The following PER3 variants were observed in gnomAD, a reference collection of about 807,000 sequenced individuals.
PER3 encodes the protein period circadian regulator 3, also known as period circadian protein homolog 3.
PER3 carries 107 observed loss-of-function variants against 127.2 expected under a neutral mutation model. The observed-to-expected ratio is 0.84, with a 90% CI of 0.72 to 0.99. PER3 has a LOEUF of 0.99. Among genes scored for constraint, PER3 ranks in the 50% least tolerant of loss-of-function variants. PER3 has a pLI of 0.00. For missense variants in PER3, 1,560 were observed against 1,525.8 expected, an observed-to-expected ratio of 1.02 and a Z score of -0.37; for synonymous variants, 618 against 585.8, an observed-to-expected ratio of 1.05 and a Z score of -0.79.
chr1:7,842,891 C>A lies in PER3; in HGVS notation c.*136C>A. On this transcript the variant is annotated 3_prime_UTR_variant, in exon 22 of 22. Transcript: ENST00000377532. ...TTTTTCTTCTTGATTTTTTAATACA[C>A]GTAATCTTTTTGAAGCAGACATTGT... 3.4e-6 allele frequency: 2 copies of A among 595,222 alleles called. No individual in the cohort carries two copies. Among genetic ancestry groups the A allele is most frequent in the Non-Finnish European group, 5.5e-6 (2 of 363,050 alleles). The allele number at this position is 595,222 out of a possible 1,614,324, so 36.9% of individuals were successfully genotyped here.
Position 7,793,991 on chromosome 1 carries a change from T to A in PER3, c.627T>A (p.Pro209=), listed in dbSNP as rs751535447. ...AARYECAPVK[P]FFCRIRGGED... is the part of the protein sequence containing the mutation. ...GGTATGAATGTGCTCCGGTGAAACC[T>A]TTTTTCTGCAGGATCCGGTAAGTAT... The change falls in exon 6 of 22, where the codon CCT becomes CCA. Residue 209 remains proline, a synonymous_variant. Coordinates refer to ENST00000377532, the MANE Select transcript of PER3 (RefSeq NM_001377275.1). 2.7e-5 allele frequency: 43 copies of A among 1,612,740 alleles called. No individual in the cohort carries two copies. Among genetic ancestry groups the A allele is most frequent in the African/African-American group, 4.0e-5 (3 of 75,012 alleles).
rs371021649 is a variant in PER3 at position 7,829,882 on chromosome 1, G to A, written c.2935G>A (p.Gly979Ser). Residue 979 changes from glycine (G) to serine (S), a missense_variant, in exon 19 of 22, where the codon GGT becomes AGT. Coordinates refer to ENST00000377532, the MANE Select transcript of PER3 (RefSeq NM_001377275.1). ...NGSESSPATT[G>S]ALSTGSPPRE... Reference sequence around the variant, plus strand: ...CAGTGAGAGCAGTCCTGCTACTACCGGTGCACTGTCCACGGGGTCACCTCC... The same window carrying A: ...CAGTGAGAGCAGTCCTGCTACTACCAGTGCACTGTCCACGGGGTCACCTCC... 15 of 1,614,108 alleles carry A rather than the reference G, an allele frequency of 9.3e-6. No individual in the cohort carries two copies. The highest frequency in any genetic ancestry group is 1.3e-5 in the Non-Finnish European group (15 of 1,180,010).
intron 6 of PER3, 107 bp from the exon 7 acceptor site, chr1:7,798,418 G>A (rs1558400261): frequency 1.1e-5 from 9 of 802,108 alleles, no homozygotes; most frequent in African/African-American, 1.7e-5. Context: ...TTTAGATGTG[G>A]GTATGTCTGT....
chr1:7,803,082 T>C lies in PER3; in HGVS notation c.908T>C (p.Leu303Pro). 1.2e-6 allele frequency: 2 copies of C among 1,613,410 alleles called. No homozygotes were observed. Among genetic ancestry groups the C allele is most frequent in the Non-Finnish European group, 1.7e-6 (2 of 1,179,308 alleles). ...TTGCTGGGTTACCTACCTCAGGACC[T>C]GATTGGAACATCGATCCTAAGCTAC... ...VPLLGYLPQD[L>P]IGTSILSYLH... The change falls in exon 9 of 22, where the codon CTG becomes CCG. Residue 303 changes from leucine (L) to proline (P), a missense_variant. Coordinates refer to ENST00000377532, the MANE Select transcript of PER3 (RefSeq NM_001377275.1).
chr1:7,799,795 G>T (rs986848015), intron 7 of PER3, among the ~76,000 whole-genome samples: 1 of 151,834 alleles, frequency 6.6e-6, no homozygotes, highest in Non-Finnish European at 1.5e-5. Context: ...TTTGAGACAG[G>T]GTTTTGCTCT....
intron 16 of PER3, among the ~76,000 whole-genome samples, chr1:7,824,847 C>T (rs1577888291): frequency 6.6e-6 from 1 of 152,268 alleles, no homozygotes; most frequent in African/African-American, 2.4e-5. Context: ...CACTATTCCG[C>T]AGCTTGCGTG....
intron 4 of PER3, 128 bp from the exon 5 acceptor site, chr1:7,787,917 C>T (rs1006572035): frequency 2.7e-5 from 18 of 672,354 alleles, no homozygotes; most frequent in Admixed American, 2.2e-4. Context: ...AGTTTTGTTG[C>T]ATTTGTAGGT....
intron 6 of PER3, 83 bp from the exon 7 acceptor site, chr1:7,798,442 A>G: frequency 1.9e-6 from 2 of 1,060,736 alleles, no homozygotes; most frequent in Non-Finnish European, 2.8e-6. Flanking sequence ...GGAAATTACC[A>G]ATAAAATATT....
At chr1:7,800,493 C>T (rs776887603) in intron 7 of PER3, among the ~76,000 whole-genome samples, 4 of 151,944 alleles carry the variant, frequency 2.6e-5, no homozygotes, top group Admixed American at 2.0e-4. Flanking sequence ...CCACCGAGCC[C>T]GGCGACACTT....
At position 7,786,778 on chromosome 1, in the gene PER3, G is replaced by T; in HGVS notation, c.332G>T (p.Ser111Ile). The T allele has an allele frequency of 6.2e-7, 1 of 1,612,580 alleles. No individual in the cohort carries two copies. The highest frequency in any genetic ancestry group is 8.5e-7 in the Non-Finnish European group (1 of 1,178,568). Residue 111 changes from serine to isoleucine, a missense_variant, in exon 4 of 22, where the codon AGC (serine) becomes ATC (isoleucine). Coordinates refer to ENST00000377532, the MANE Select transcript of PER3 (RefSeq NM_001377275.1). ...AATGGAGCACCTCAGGCAGATGTGA[G>T]CATGTACAGTCTTGAGGAGCTGGCC... ...SQNGAPQADV[S>I]MYSLEELATI...
At chr1:7,797,700 A>G (rs569154087) in intron 6 of PER3, among the ~76,000 whole-genome samples, 1 of 152,146 alleles carries the variant, frequency 6.6e-6, no homozygotes, top group East Asian at 1.9e-4. Flanking sequence ...AATCTCTGGC[A>G]GTACTAAAGA....
chr1:7,787,363 A>G (rs2097096801), intron 4 of PER3: 1 of 293,600 alleles, frequency 3.4e-6, no homozygotes, highest in African/African-American at 2.3e-5. Context: ...TACGGTGGAG[A>G]TTACTTATTT....
At chr1:7,791,005 C>T (rs914519839) in intron 5 of PER3, among the ~76,000 whole-genome samples, 1 of 152,190 alleles carries the variant, frequency 6.6e-6, no homozygotes, top group Non-Finnish European at 1.5e-5. Context: ...CATGGGCTGG[C>T]ATTGAGTGTC....
rs571509552 is a variant in PER3 at position 7,820,105 on chromosome 1, G to A, written c.1659-10G>A. On this transcript the variant is annotated splice_polypyrimidine_tract_variant and intron_variant, in intron 14 of 21. Transcript: ENST00000377532. ...AGGTAAGAATGTGTGGCCTAATTAT[G>A]TTGTTACAGATACCTGAAGAGCTAC... 6 of 1,612,140 alleles carry A rather than the reference G, an allele frequency of 3.7e-6. No homozygotes were observed. In the East Asian group the frequency reaches 1.3e-4, roughly 36 times the overall value.
Position 7,832,387 on chromosome 1 carries a change from T to C in PER3, c.3214+2226T>C, listed in dbSNP as rs866811692. 3.0e-4 allele frequency among the ~76,000 whole-genome samples: 23 copies of C among 76,834 alleles called. 1 individual carries two copies. The highest frequency in any genetic ancestry group is 4.0e-4 in the Non-Finnish European group (16 of 39,782). The allele number at this position is 76,834 out of a possible 152,430, so 50.4% of individuals were successfully genotyped here. A position where few individuals can be genotyped will look rare whatever the true frequency, so the allele number is the denominator to read the frequency against. ...TGCTCTTTTTTTTTTTTTTTTTTTTTCCCTGGGACAGAGTCTGGCACTGTC... is the reference window on the plus strand; with the variant it reads ...TGCTCTTTTTTTTTTTTTTTTTTTTCCCCTGGGACAGAGTCTGGCACTGTC... On this transcript the variant is annotated intron_variant, in intron 19 of 21. Coordinates refer to ENST00000377532, the MANE Select transcript of PER3 (RefSeq NM_001377275.1).
intron 19 of PER3, among the ~76,000 whole-genome samples, chr1:7,831,956 T>C (rs558893125): frequency 5.3e-5 from 8 of 152,210 alleles, no homozygotes; most frequent in Non-Finnish European, 1.2e-4. Context: ...TGTGTTGAAC[T>C]GATATTATTT....
intron 6 of PER3, among the ~76,000 whole-genome samples, chr1:7,795,337 A>G (rs978219082): frequency 1.3e-5 from 2 of 152,228 alleles, no homozygotes; most frequent in Admixed American, 6.5e-5. Flanking sequence ...GAGGAGACCA[A>G]TAATAAACAC....
intron 6 of PER3, among the ~76,000 whole-genome samples, chr1:7,795,499 CA>C (rs2097141287): frequency 6.6e-6 from 1 of 152,116 alleles, no homozygotes; most frequent in South Asian, 2.1e-4. Context: ...AGAAGGAGGG[CA>C]GGGGGTGAGC....
In PER3 at chr1:7,827,320, C is replaced by T. The variant is rs762061886; in HGVS notation, c.2391C>T (p.Ala797=). ...HTSSPTFPPA[A]MVPSQAPYLV... ...CGAGCCCGACCTTCCCACCTGCCGC[C>T]ATGGTGCCCAGCCAGGCCCCTTACC... Residue 797 remains alanine (A), a synonymous_variant, in exon 18 of 22, where the codon GCC becomes GCT. Transcript: ENST00000377532. 11 of 1,613,714 alleles carry T rather than the reference C, an allele frequency of 6.8e-6. No homozygotes were observed. Among genetic ancestry groups the T allele is most frequent in the Non-Finnish European group, 9.3e-6 (11 of 1,179,890 alleles).
Sources: allele counts gnomAD v4.1 joint callset (sites outside exome capture counted in the v4.1 genomes callset), GRCh38; gene constraint gnomAD v4.1.1; transcripts MANE v1.5; gene names NCBI Gene and HGNC (gene_info 2026-07-23, HGNC 2026-07-21).